The following MAP6 variants were observed in gnomAD, a reference collection of about 807,000 sequenced individuals.
MAP6 encodes microtubule-associated protein 6.
In MAP6, 26 loss-of-function variants were observed where a neutral mutation model predicts 42.4. That is an observed-to-expected ratio of 0.61 (90% confidence interval 0.45 to 0.85). The LOEUF is 0.85. Ranked by LOEUF, MAP6 falls within the 40% of genes least tolerant of loss-of-function variation. The pLI is 0.00. For missense variants in MAP6, 966 were observed against 1,099.0 expected (o/e 0.88, Z 1.71); for synonymous variants, 418 against 443.8 (o/e 0.94, Z 0.73).
chr11:75,638,067 A>G (rs543046697), intron 1 of MAP6, among the ~76,000 whole-genome samples: 10 of 152,348 alleles, frequency 6.6e-5, no homozygotes, highest in African/African-American at 2.2e-4. Context: ...ATAGTATGTA[A>G]TCATTTAAAT....
intron 1 of MAP6, among the ~76,000 whole-genome samples, chr11:75,646,392 T>G (rs1590799938): frequency 6.7e-6 from 1 of 150,320 alleles, no homozygotes; most frequent in African/African-American, 2.5e-5. Context: ...CTGGGCTTGG[T>G]GGTTCACGCC....
intron 1 of MAP6, among the ~76,000 whole-genome samples, chr11:75,658,423 A>T (rs761525472): frequency 1.0e-3 from 155 of 151,564 alleles, no homozygotes; most frequent in Middle Eastern, 3.4e-3. Context: ...CAGCCAAAAC[A>T]TGAACCCTAG....
At chr11:75,612,823 C>T (rs772879548) in intron 1 of MAP6, among the ~76,000 whole-genome samples, 8 of 152,208 alleles carry the variant, frequency 5.3e-5, no homozygotes, top group Non-Finnish European at 1.2e-4. Context: ...CTTCCAGGAA[C>T]CTCTCCTGGG....
intron 3 of MAP6, chr11:75,605,146 T>A (rs953751714): frequency 1.0e-6 from 1 of 985,314 alleles, no homozygotes; most frequent in Non-Finnish European, 1.2e-6. Context: ...GTTTTAGTTA[T>A]CAGTGGCGTA....
rs1241488598 is a variant in MAP6, at chr11:75,641,083, C to A, written c.905+26382G>T. ...ACAATAGCAAAGACTTGGAACCAAC[C>A]CAAATGTCCAGCAATGATAGACTGG... On this transcript the variant is annotated intron_variant, in intron 1 of 3. Coordinates refer to ENST00000304771, the MANE Select transcript of MAP6 (RefSeq NM_033063.2). Among the ~76,000 whole-genome samples the A allele has an allele frequency of 5.3e-5, 8 of 152,190 alleles. No individual in the cohort carries two copies. In the East Asian group the frequency reaches 1.5e-3, roughly 29 times the overall value.
In MAP6 at chr11:75,668,557, G is replaced by C. The variant is rs918423242; in HGVS notation, c.-188C>G. 1.4e-6 allele frequency: 1 copy of C among 718,326 alleles called. No homozygotes were observed. Among genetic ancestry groups the C allele is most frequent in the Non-Finnish European group, 1.9e-6 (1 of 519,632 alleles). 44.5% of individuals were successfully genotyped at this position (718,326 alleles called of 1,614,324 possible). ...GGGGAGAGCTGTCCTAGGAGAGTCTGTAGAGTCCCTCGATTACCGGTCGCA... is the reference window on the plus strand; with the variant it reads ...GGGGAGAGCTGTCCTAGGAGAGTCTCTAGAGTCCCTCGATTACCGGTCGCA... On this transcript the variant is annotated 5_prime_UTR_variant, in exon 1 of 4. Transcript: ENST00000304771.
At chr11:75,626,348 G>T (rs751178881) in intron 1 of MAP6, among the ~76,000 whole-genome samples, 1 of 152,174 alleles carries the variant, frequency 6.6e-6, no homozygotes, top group Non-Finnish European at 1.5e-5. Context: ...GGCAAAGAAG[G>T]TGGAGCGGTA....
intron 1 of MAP6, among the ~76,000 whole-genome samples, chr11:75,651,155 C>T (rs900341718): frequency 1.3e-5 from 2 of 152,128 alleles, no homozygotes; most frequent in Non-Finnish European, 2.9e-5. Context: ...CAGAGCCTAG[C>T]TCAGAGTCTT....
chr11:75,613,198 TA>T (rs1942934828), intron 1 of MAP6, among the ~76,000 whole-genome samples: 2 of 152,192 alleles, frequency 1.3e-5, no homozygotes, highest in African/African-American at 4.8e-5. Context: ...CGGAAGTAGC[TA>T]TTGTTAGATT....
intron 3 of MAP6, among the ~76,000 whole-genome samples, chr11:75,590,378 G>C (rs748259495): frequency 2.6e-5 from 4 of 152,166 alleles, no homozygotes; most frequent in Admixed American, 6.5e-5. Context: ...CCAAGGGTAG[G>C]ACATGGGCCT....
rs191888704 is a variant in MAP6, at chr11:75,645,010, G to A, written c.905+22455C>T. 3.9e-5 allele frequency among the ~76,000 whole-genome samples: 6 copies of A among 152,206 alleles called. No homozygotes were observed. The East Asian group carries it at 7.7e-4, about 20-fold the overall frequency. ...CGAATGAGACACCTAAAAATTGTAC[G>A]CCACAGACCTAGGCATGGATTCCAT... is the stretch of plus-strand genomic sequence containing the variant. On this transcript the variant is annotated intron_variant, in intron 1 of 3. Transcript: ENST00000304771.
rs138343399 is a variant in MAP6 at position 75,648,411 on chromosome 11, T to C, written c.905+19054A>G. 5.0e-3 allele frequency among the ~76,000 whole-genome samples: 760 copies of C among 152,182 alleles called. 11 individuals are homozygous for C. The highest frequency in any genetic ancestry group is 0.017 in the African/African-American group (722 of 41,504). On this transcript the variant is annotated intron_variant, in intron 1 of 3. Transcript: ENST00000304771. Reference sequence around the variant, plus strand: ...TACTCAGGAGGCTGAGGCGGGAGGATTGCTTGACCCTGGAAGGTCGAAACA... The same window carrying C: ...TACTCAGGAGGCTGAGGCGGGAGGACTGCTTGACCCTGGAAGGTCGAAACA...
rs376591665 is a variant in MAP6 at position 75,615,191 on chromosome 11, T to C, written c.906-6869A>G. Reference sequence around the variant, plus strand: ...GGGCCAGATGATGATGATGAGTTACTAGAAAGAGAACTGGCTCTGGAGTGA... The same window carrying C: ...GGGCCAGATGATGATGATGAGTTACCAGAAAGAGAACTGGCTCTGGAGTGA... On this transcript the variant is annotated intron_variant, in intron 1 of 3. Transcript: ENST00000304771. Among the ~76,000 whole-genome samples, 71 of 152,326 alleles carry C rather than the reference T, an allele frequency of 4.7e-4. No individual in the cohort carries two copies. The South Asian group carries it at 0.014, about 31-fold the overall frequency.
intron 1 of MAP6, among the ~76,000 whole-genome samples, chr11:75,631,984 T>C (rs1181795437): frequency 1.3e-5 from 2 of 152,220 alleles, no homozygotes; most frequent in Non-Finnish European, 2.9e-5. Context: ...CATACAGACA[T>C]TCCTTACTTT....
In MAP6 at chr11:75,603,549, C is replaced by T. The variant is rs17134159; in HGVS notation, c.1316+2259G>A. 2.8e-3 allele frequency: 2,672 copies of T among 970,562 alleles called. 58 individuals are homozygous for T. In the African/African-American group the frequency reaches 0.048, roughly 18 times the overall value. 60.1% of individuals were successfully genotyped at this position (970,562 alleles called of 1,614,324 possible). A position where few individuals can be genotyped will look rare whatever the true frequency, so the allele number is the denominator to read the frequency against. On this transcript the variant is annotated intron_variant, in intron 3 of 3. Transcript: ENST00000304771. Reference sequence around the variant, plus strand: ...TTGAAAAAGACATGCTACAGGTCCTCTAAAGCCTTGGGTGAGGGTAGGAAG... The same window carrying T: ...TTGAAAAAGACATGCTACAGGTCCTTTAAAGCCTTGGGTGAGGGTAGGAAG...
rs192765124 is a variant in MAP6 at position 75,608,006 on chromosome 11, G to C, written c.1119+103C>G. 1.8e-5 allele frequency: 20 copies of C among 1,099,436 alleles called. No individual in the cohort carries two copies. The East Asian group carries it at 4.3e-4, about 24-fold the overall frequency. The allele number at this position is 1,099,436 out of a possible 1,614,324, so 68.1% of individuals were successfully genotyped here. ...GGAAGCAGGGATTTTAAAGGTGCCC[G>C]TGGAGGCTGGGCCAGATTTGACAGC... On this transcript the variant is annotated intron_variant, in intron 2 of 3. Transcript: ENST00000304771.
intron 3 of MAP6, chr11:75,603,953 A>G (rs1168753649): frequency 2.0e-6 from 2 of 985,638 alleles, no homozygotes; most frequent in African/African-American, 3.5e-5. Context: ...TACAATTAAG[A>G]TCATGTTGCT....
At chr11:75,651,592 G>T (rs999722347) in intron 1 of MAP6, among the ~76,000 whole-genome samples, 2 of 152,190 alleles carry the variant, frequency 1.3e-5, no homozygotes, top group African/African-American at 2.4e-5. Flanking sequence ...AGTAGCCAGA[G>T]ACTAATAGTA....
At position 75,607,427 on chromosome 11, in the gene MAP6, G is replaced by C. The variant is rs141046677; in HGVS notation, c.1119+682C>G. ...GGCTTATATGATTCCTGCTTCACCA[G>C]CTATATCTCCAACATGCTTCTCCTG... On this transcript the variant is annotated intron_variant, in intron 2 of 3. Transcript: ENST00000304771. The C allele has an allele frequency of 3.0e-6, 3 of 985,444 alleles. No homozygotes were observed. In the African/African-American group the frequency reaches 5.2e-5, roughly 17 times the overall value. 61.0% of individuals were successfully genotyped at this position (985,444 alleles called of 1,614,324 possible). A position where few individuals can be genotyped will look rare whatever the true frequency, so the allele number is the denominator to read the frequency against.
Sources: allele counts gnomAD v4.1 joint callset (sites outside exome capture counted in the v4.1 genomes callset), GRCh38; gene constraint gnomAD v4.1.1; transcripts MANE v1.5; gene names NCBI Gene and HGNC (gene_info 2026-07-23, HGNC 2026-07-21).